The following ADGRL2 variants were observed in gnomAD, a reference collection of about 807,000 sequenced individuals.
ADGRL2 encodes adhesion G protein-coupled receptor L2.
ADGRL2 carries 44 observed loss-of-function variants against 157.4 expected under a neutral mutation model. The observed-to-expected ratio is 0.28, with a 90% CI of 0.22 to 0.36. The LOEUF is 0.36. ADGRL2 is among the 10% of genes least tolerant of loss of function. The pLI is 1.00. For synonymous variants in ADGRL2, 585 were observed against 624.7 expected, an observed-to-expected ratio of 0.94 and a Z score of 0.95; for missense variants, 1,510 against 1,768.9, an observed-to-expected ratio of 0.85 and a Z score of 2.63.
chr1:81,733,367 G>T (rs2084789208), intron 1 of ADGRL2, among the ~76,000 whole-genome samples: 1 of 152,238 alleles, frequency 6.6e-6, no homozygotes, highest in Non-Finnish European at 1.5e-5. Flanking sequence ...GAGGCTAGAA[G>T]TCTGAGACCA....
chr1:81,972,899 G>A (rs1223666736), intron 17 of ADGRL2, among the ~76,000 whole-genome samples: 2 of 114,896 alleles, frequency 1.7e-5, no homozygotes, highest in African/African-American at 3.4e-5. Flanking sequence ...GCAACAGAGC[G>A]AGACCCTGTC....
chr1:81,397,856 CA>C (rs746949232), intron 1 of ADGRL2, among the ~76,000 whole-genome samples: 45 of 151,998 alleles, frequency 3.0e-4, no homozygotes, highest in Non-Finnish European at 5.9e-4. Flanking sequence ...AGTTTAAATC[CA>C]AGGTTTCTTG....
At chr1:81,843,364 CT>C (rs564808513) in intron 2 of ADGRL2, among the ~76,000 whole-genome samples, 1 of 152,110 alleles carries the variant, frequency 6.6e-6, no homozygotes, top group Non-Finnish European at 1.5e-5. Context: ...AACTCCTGAC[CT>C]TGTGATCTAC....
chr1:81,943,418 A>G lies in ADGRL2; in HGVS notation c.859A>G (p.Asn287Asp), dbSNP rs1648740884. 1 of 1,613,568 alleles carries G rather than the reference A, an allele frequency of 6.2e-7. No homozygotes were observed. Among genetic ancestry groups the G allele is most frequent in the Non-Finnish European group, 8.5e-7 (1 of 1,179,744 alleles). ...GGTCATTTACGCCACTGAACAGAAC[A>G]ATGGAATGATAGTTATTAGCCAGCT... Reference protein sequence around the residue: ...LWVIYATEQNNGMIVISQLNP... With the variant: ...LWVIYATEQNDGMIVISQLNP... The change falls in exon 6 of 24, where the codon AAT (asparagine) becomes GAT (aspartate). Residue 287 changes from asparagine to aspartate, a missense_variant. Coordinates refer to ENST00000686636, the MANE Select transcript of ADGRL2 (RefSeq NM_001366006.2). This position sits in a 1 kb window ranked among gnomAD's most constrained non-coding sequence, Gnocchi z 5.6.
At chr1:81,521,161 A>T (rs1399437885) in intron 2 of ADGRL2, among the ~76,000 whole-genome samples, 1 of 152,202 alleles carries the variant, frequency 6.6e-6, no homozygotes, top group Non-Finnish European at 1.5e-5. Flanking sequence ...AGTAAAGAAC[A>T]TGCAGAGGGA....
At chr1:81,384,598 C>A (rs1319875847) in intron 1 of ADGRL2, among the ~76,000 whole-genome samples, 2 of 152,060 alleles carry the variant, frequency 1.3e-5, no homozygotes, top group Non-Finnish European at 2.9e-5. Context: ...AGGTTTATAA[C>A]AGATGTAAAA....
chr1:81,874,072 A>T (rs1452345513), intron 2 of ADGRL2, among the ~76,000 whole-genome samples: 1 of 152,096 alleles, frequency 6.6e-6, no homozygotes, highest in Non-Finnish European at 1.5e-5. Context: ...CCACTCATAA[A>T]CTTTCAAAAT....
chr1:81,767,771 C>T lies in ADGRL2; in HGVS notation c.-101+5919C>T, dbSNP rs148406190. ...CCTGTAGTCCCAGCTACCCGGGAGGCTGAGGTGAGAGGGACAATGGAGGCT... is the reference window on the plus strand; with the variant it reads ...CCTGTAGTCCCAGCTACCCGGGAGGTTGAGGTGAGAGGGACAATGGAGGCT... On this transcript the variant is annotated intron_variant, in intron 2 of 20. Coordinates refer to the ADGRL2 transcript ENST00000359929. 6.7e-3 allele frequency among the ~76,000 whole-genome samples: 989 copies of T among 148,102 alleles called. 4 individuals carry two copies. The highest frequency in any genetic ancestry group is 0.022 in the African/African-American group (884 of 40,032).
Position 81,502,234 on chromosome 1 carries a change from A to G in ADGRL2, c.-248+57145A>G, listed in dbSNP as rs970472772. 4 of 1,609,956 alleles carry G rather than the reference A, an allele frequency of 2.5e-6. No homozygotes were observed. The African/African-American group carries it at 5.4e-5, about 22-fold the overall frequency. On this transcript the variant is annotated intron_variant, in intron 2 of 24. Transcript: ENST00000370721. Reference sequence around the variant, plus strand: ...CACCAGGGCTCCCACCACATGGACAACAAGCTAAAGAAGACCATACCAAAG... The same window carrying G: ...CACCAGGGCTCCCACCACATGGACAGCAAGCTAAAGAAGACCATACCAAAG...
chr1:81,922,934 A>T (rs1240456641), intron 3 of ADGRL2, among the ~76,000 whole-genome samples: 1 of 151,962 alleles, frequency 6.6e-6, no homozygotes, highest in African/African-American at 2.4e-5. Context: ...TGATCAATTG[A>T]TCTATCTATG....
intron 2 of ADGRL2, among the ~76,000 whole-genome samples, chr1:81,533,016 C>T (rs2079643243): frequency 6.6e-6 from 1 of 151,898 alleles, no homozygotes; most frequent in Admixed American, 6.6e-5. Context: ...AATGAACATA[C>T]TTCTGTACTG....
At chr1:81,857,694 A>G (rs907063093) in intron 2 of ADGRL2, among the ~76,000 whole-genome samples, 1 of 152,214 alleles carries the variant, frequency 6.6e-6, no homozygotes, top group African/African-American at 2.4e-5. Flanking sequence ...GATGCAATTG[A>G]AAGATTATAT....
intron 1 of ADGRL2, among the ~76,000 whole-genome samples, chr1:81,817,635 C>G (rs1375885439): frequency 6.6e-6 from 1 of 151,982 alleles, no homozygotes; most frequent in Admixed American, 6.6e-5. Context: ...CTATATTAAT[C>G]TAATACTCCT....
At chr1:81,980,786 C>A in intron 18 of ADGRL2, 1 of 703,724 alleles carries the variant, frequency 1.4e-6, no homozygotes, top group Non-Finnish European at 2.7e-6. Flanking sequence ...GTCTTCTCAT[C>A]TACACCAGTA....
intron 2 of ADGRL2, among the ~76,000 whole-genome samples, chr1:81,780,798 T>C (rs955849650): frequency 1.3e-5 from 2 of 152,210 alleles, no homozygotes; most frequent in Non-Finnish European, 2.9e-5. Flanking sequence ...ATTTGAAATA[T>C]TAATCTGTGT....
At chr1:81,637,683 C>A (rs913876023) in intron 3 of ADGRL2, among the ~76,000 whole-genome samples, 2 of 151,894 alleles carry the variant, frequency 1.3e-5, no homozygotes, top group Non-Finnish European at 2.9e-5. Context: ...TAGACAATTG[C>A]GTGGAATTTT....
At chr1:81,985,041 G>A (rs1409764) in intron 20 of ADGRL2, among the ~76,000 whole-genome samples, 32,869 of 151,924 alleles carry the variant, frequency 0.22, 4,085 homozygotes, top group East Asian at 0.6. Flanking sequence ...AGACAATAAA[G>A]TAACATGTTT....
chr1:81,801,544 T>G (rs1317189894), intron 1 of ADGRL2, among the ~76,000 whole-genome samples: 8 of 152,308 alleles, frequency 5.3e-5, no homozygotes, highest in Admixed American at 1.3e-4. Flanking sequence ...TCCGCTGCTG[T>G]GTGTGGCGTG....
At chr1:81,733,794 G>T (rs922405700) in intron 1 of ADGRL2, among the ~76,000 whole-genome samples, 1 of 152,046 alleles carries the variant, frequency 6.6e-6, no homozygotes, top group Non-Finnish European at 1.5e-5. Flanking sequence ...TTGAACACAG[G>T]GATACAAAGA....
Sources: allele counts gnomAD v4.1 joint callset (sites outside exome capture counted in the v4.1 genomes callset), GRCh38; gene constraint gnomAD v4.1.1; non-coding constraint Gnocchi (gnomAD v3.1); transcripts MANE v1.5; gene names NCBI Gene and HGNC (gene_info 2026-07-23, HGNC 2026-07-21).